The following CACNA1D variants were observed in gnomAD, a reference collection of about 807,000 sequenced individuals.
CACNA1D encodes voltage-dependent L-type calcium channel subunit alpha-1D.
CACNA1D carries 55 observed loss-of-function variants against 257.1 expected under a neutral mutation model. The ratio of observed to expected loss-of-function variants is 0.21; its 90% CI spans 0.17 to 0.27. The LOEUF is 0.27. Ranked by LOEUF, CACNA1D falls within the 10% of genes least tolerant of loss-of-function variation. The pLI, the probability that CACNA1D is intolerant of heterozygous loss-of-function variation, is 1.00. For missense variants in CACNA1D, 1,876 were observed against 2,784.0 expected (o/e 0.67, Z 7.34); for synonymous variants, 980 against 1,014.9 (o/e 0.97, Z 0.65).
Position 53,770,008 on chromosome 3 carries a change from T to A in CACNA1D, c.3906T>A (p.Ala1302=). 3 of 1,613,090 alleles carry A rather than the reference T, an allele frequency of 1.9e-6. No homozygotes were observed. Among genetic ancestry groups the A allele is most frequent in the Non-Finnish European group, 2.5e-6 (3 of 1,178,972 alleles). Residue 1302 remains alanine (A), a synonymous_variant, in exon 31 of 48, where the codon GCT becomes GCA. Transcript: ENST00000350061. ...TESENVPVPT[A]TPGNSEESNR... ...GTGAAAATGTCCCTGTCCCAACTGCTACACCTGGGGTAAGATCAGTGACTA... is the reference window on the plus strand; with the variant it reads ...GTGAAAATGTCCCTGTCCCAACTGCAACACCTGGGGTAAGATCAGTGACTA...
At chr3:53,516,963 G>C (rs2091359832) in intron 3 of CACNA1D, among the ~76,000 whole-genome samples, 1 of 152,224 alleles carries the variant, frequency 6.6e-6, no homozygotes, top group Non-Finnish European at 1.5e-5. Flanking sequence ...GTCATGGAGA[G>C]AATGCTGAAT....
chr3:53,692,392 T>C (rs1486058628), intron 8 of CACNA1D, among the ~76,000 whole-genome samples: 1 of 152,152 alleles, frequency 6.6e-6, no homozygotes, highest in African/African-American at 2.4e-5. Context: ...GGCAACAGCA[T>C]GCACAGTGGC....
intron 3 of CACNA1D, among the ~76,000 whole-genome samples, chr3:53,630,408 T>C (rs1226829699): frequency 6.6e-6 from 1 of 152,246 alleles, no homozygotes; most frequent in Non-Finnish European, 1.5e-5. Flanking sequence ...TATCCAGTAC[T>C]TCCAATGGAT....
In CACNA1D at chr3:53,723,611, T is replaced by C; in HGVS notation, c.1844T>C (p.Ile615Thr). ...CTGGAAATCATGTCTCCCCTGGGGA[T>C]CTCTGTGTTTCGGTGTGTGCGCCTC... ...VELEIMSPLG[I>T]SVFRCVRLLR... is the part of the protein sequence containing the mutation. Residue 615 changes from isoleucine to threonine, a missense_variant, in exon 13 of 48, where the codon ATC (isoleucine) becomes ACC (threonine). By Grantham distance (89) the Ile-to-Thr change is moderately conservative (BLOSUM62 -1). Around this residue, in one of 10 missense-constraint regions of CACNA1D, gnomAD observed 257 missense variants for 399.7 expected, o/e 0.64. Transcript: ENST00000350061. The surrounding 1 kb of genome is among the most constrained non-coding windows in gnomAD (Gnocchi z 5.6). 1 of 1,614,154 alleles carries C rather than the reference T, an allele frequency of 6.2e-7. No individual in the cohort carries two copies. The highest frequency in any genetic ancestry group is 8.5e-7 in the Non-Finnish European group (1 of 1,180,034).
intron 30 of CACNA1D, chr3:53,765,562 G>A (rs908211324): frequency 5.9e-5 from 9 of 152,570 alleles, no homozygotes; most frequent in African/African-American, 2.2e-4. Context: ...GGTTTTCACT[G>A]CGCTCCACAG....
chr3:53,581,798 A>C (rs964986472), intron 3 of CACNA1D, among the ~76,000 whole-genome samples: 1 of 152,208 alleles, frequency 6.6e-6, no homozygotes, highest in Non-Finnish European at 1.5e-5. Flanking sequence ...TAATAAGTTA[A>C]GAGGCACATG....
intron 4 of CACNA1D, 144 bp from the exon 5 acceptor site, chr3:53,659,989 G>C: frequency 1.4e-6 from 1 of 708,404 alleles, no homozygotes; most frequent in Non-Finnish European, 2.4e-6. Context: ...CAATTCCACA[G>C]CCCAGTTCTT....
intron 3 of CACNA1D, among the ~76,000 whole-genome samples, chr3:53,518,523 T>A (rs918733175): frequency 6.6e-6 from 1 of 152,140 alleles, no homozygotes; most frequent in African/African-American, 2.4e-5. Flanking sequence ...AATGAAGATA[T>A]CAGAACTTGC....
chr3:53,550,429 G>A (rs1449242830), intron 3 of CACNA1D, among the ~76,000 whole-genome samples: 2 of 152,178 alleles, frequency 1.3e-5, no homozygotes. Context: ...GAGGCTCTGT[G>A]AACCTCTCAC....
At chr3:53,599,251 G>A (rs1248025845) in intron 3 of CACNA1D, among the ~76,000 whole-genome samples, 1 of 152,024 alleles carries the variant, frequency 6.6e-6, no homozygotes, top group Admixed American at 6.6e-5. Flanking sequence ...TTATAAAATG[G>A]AATCATATCC....
At chr3:53,592,486 T>C (rs1231888067) in intron 3 of CACNA1D, among the ~76,000 whole-genome samples, 1 of 152,184 alleles carries the variant, frequency 6.6e-6, no homozygotes, top group Non-Finnish European at 1.5e-5. Flanking sequence ...GAGAGCTGTT[T>C]GAAGGTTTTT....
chr3:53,618,468 G>C (rs1442917568), intron 3 of CACNA1D, among the ~76,000 whole-genome samples: 1 of 152,208 alleles, frequency 6.6e-6, no homozygotes, highest in Non-Finnish European at 1.5e-5. Flanking sequence ...ACAGCTCGCG[G>C]TCTGTCCACT....
intron 8 of CACNA1D, among the ~76,000 whole-genome samples, chr3:53,676,580 T>C (rs2094378978): frequency 6.6e-6 from 1 of 152,230 alleles, no homozygotes; most frequent in African/African-American, 2.4e-5. Context: ...TGTGATTGCC[T>C]TCTCACGAGG....
intron 3 of CACNA1D, among the ~76,000 whole-genome samples, chr3:53,509,322 T>C (rs2091008041): frequency 6.6e-6 from 1 of 151,922 alleles, no homozygotes; most frequent in South Asian, 2.1e-4. Flanking sequence ...AGAGAGCTCA[T>C]GCTCATGAGT....
intron 8 of CACNA1D, among the ~76,000 whole-genome samples, chr3:53,682,386 A>C (rs958918820): frequency 1.0e-4 from 15 of 147,332 alleles, no homozygotes; most frequent in South Asian, 4.3e-4. Flanking sequence ...AAAAAAAAAA[A>C]AAAAAAAAAA....
At chr3:53,610,524 A>C (rs531197229) in intron 3 of CACNA1D, among the ~76,000 whole-genome samples, 1 of 152,266 alleles carries the variant, frequency 6.6e-6, no homozygotes, top group African/African-American at 2.4e-5. Context: ...TTGTTCTGAA[A>C]TTTATTTTGT....
intron 3 of CACNA1D, among the ~76,000 whole-genome samples, chr3:53,567,998 G>A (rs989043475): frequency 3.9e-5 from 6 of 152,174 alleles, no homozygotes; most frequent in African/African-American, 9.7e-5. Flanking sequence ...CTTGCCTCAC[G>A]ACTCTAAATA....
chr3:53,733,940 GTGTGTGTGTGTGTA>G (rs1376004923), intron 19 of CACNA1D, among the ~76,000 whole-genome samples: 5 of 135,526 alleles, frequency 3.7e-5, no homozygotes, highest in Admixed American at 1.5e-4. Flanking sequence ...TTGTGTGTGT[GTGTGTGTGTGTGTA>G]TGTATGTATG....
At chr3:53,703,100 G>A (rs913421938) in intron 9 of CACNA1D, among the ~76,000 whole-genome samples, 17 of 152,244 alleles carry the variant, frequency 1.1e-4, no homozygotes, top group African/African-American at 3.9e-4. Context: ...GCGCATTTCT[G>A]TGCGGGCACA....
Sources: gnomAD v4.1 joint callset for allele counts (sites outside exome capture counted in the v4.1 genomes callset) on GRCh38, gnomAD v4.1.1 for gene constraint, gnomAD v4.1.1 regional missense constraint, Gnocchi (gnomAD v3.1) non-coding constraint, MANE v1.5 for transcripts, NCBI Gene and HGNC (gene_info 2026-07-23, HGNC 2026-07-21) for gene names.